NRG1: variants seen among roughly 807,000 people sequenced by gnomAD.
The protein encoded by NRG1 is neuregulin 1.
In NRG1, 18 loss-of-function variants were observed where a neutral mutation model predicts 63.8. The observed-to-expected ratio is 0.28, with a 90% CI of 0.19 to 0.42. The LOEUF (loss-of-function observed/expected upper bound fraction) is 0.42. Among genes scored for constraint, NRG1 ranks in the 10% least tolerant of loss-of-function variants. The probability of loss-of-function intolerance (pLI) is 1.00; values close to 1 mark genes in which losing one functional copy is unlikely to be tolerated. For missense variants in NRG1, 762 were observed against 814.7 expected, an observed-to-expected ratio of 0.94 and a Z score of 0.79; for synonymous variants, 302 against 301.3, an observed-to-expected ratio of 1.00 and a Z score of -0.02.
chr8:32,547,609 ACACACACACACACACACG>A (rs869095388), upstream of NRG1, among the ~76,000 whole-genome samples: 3 of 63,890 alleles, frequency 4.7e-5, no homozygotes, highest in African/African-American at 1.4e-4. Flanking sequence ...ACACACACAC[ACACACACACACACACACG>A]CACACGGCGC....
chr8:32,369,571 C>T (rs1350632451), intron 1 of NRG1, among the ~76,000 whole-genome samples: 2 of 152,208 alleles, frequency 1.3e-5, no homozygotes, highest in Admixed American at 1.3e-4. Flanking sequence ...GGCCCCCAAC[C>T]AGGGACCCTG....
chr8:32,661,514 C>T (rs944370917), intron 5 of NRG1, among the ~76,000 whole-genome samples: 13 of 152,122 alleles, frequency 8.5e-5, no homozygotes, highest in African/African-American at 3.1e-4. Context: ...TTTTACTTTA[C>T]TCATGGGGAA....
chr8:32,651,260 TAAG>T (rs1349482244), intron 5 of NRG1, among the ~76,000 whole-genome samples: 1 of 152,168 alleles, frequency 6.6e-6, no homozygotes, highest in East Asian at 1.9e-4. Flanking sequence ...ATGTAGGTCT[TAAG>T]AAGTCCAATG....
At chr8:32,328,959 A>C (rs1479598260) in intron 1 of NRG1, among the ~76,000 whole-genome samples, 1 of 151,966 alleles carries the variant, frequency 6.6e-6, no homozygotes, top group Non-Finnish European at 1.5e-5. Context: ...AAAACCCTTA[A>C]AATCTACACA....
At position 31,682,624 on chromosome 8, in the gene NRG1, T is replaced by C. The variant is rs115451034; in HGVS notation, c.37+43193T>C. Among the ~76,000 whole-genome samples, 890 of 152,236 alleles carry C rather than the reference T, an allele frequency of 5.8e-3. 11 individuals are homozygous for C. Among genetic ancestry groups the C allele is most frequent in the African/African-American group, 0.021 (860 of 41,536 alleles). On this transcript the variant is annotated intron_variant, in intron 1 of 10. Coordinates refer to the NRG1 transcript ENST00000519301. ...CTATTTCTCCAACTTTCCGTGTGCC[T>C]ATAATTTTTTTTCAAACCAAAATGT...
At chr8:32,396,205 A>G (rs543541640) in intron 1 of NRG1, among the ~76,000 whole-genome samples, 2 of 152,280 alleles carry the variant, frequency 1.3e-5, no homozygotes, top group East Asian at 3.9e-4. Flanking sequence ...TGGCTACTGC[A>G]GGTTCTGTGT....
chr8:31,680,893 C>G (rs545754752), intron 1 of NRG1, among the ~76,000 whole-genome samples: 1 of 152,112 alleles, frequency 6.6e-6, no homozygotes, highest in Non-Finnish European at 1.5e-5. Flanking sequence ...CACAGAACAG[C>G]GAACAGGGAG....
intron 1 of NRG1, among the ~76,000 whole-genome samples, chr8:31,896,952 A>C (rs757181049): frequency 2.0e-5 from 3 of 152,200 alleles, no homozygotes; most frequent in Non-Finnish European, 1.5e-5. Context: ...GGCTAACATG[A>C]TGGGAACTCA....
At chr8:32,362,856 C>T (rs993964805) in intron 1 of NRG1, among the ~76,000 whole-genome samples, 1 of 152,062 alleles carries the variant, frequency 6.6e-6, no homozygotes, top group Non-Finnish European at 1.5e-5. Flanking sequence ...GCAAAAGCAC[C>T]CCACATGTGA....
chr8:31,908,477 G>A (rs1176137078), intron 1 of NRG1, among the ~76,000 whole-genome samples: 1 of 152,054 alleles, frequency 6.6e-6, no homozygotes, highest in Non-Finnish European at 1.5e-5. Flanking sequence ...GGGTATGTGC[G>A]GCAACCTTGT....
intron 1 of NRG1, among the ~76,000 whole-genome samples, chr8:32,577,354 T>C (rs1839852604): frequency 6.6e-6 from 1 of 152,192 alleles, no homozygotes; most frequent in Admixed American, 6.5e-5. Flanking sequence ...TCAAGTGACT[T>C]ATGTATACAG....
chr8:32,107,977 T>TCC (rs1212496786), intron 1 of NRG1, among the ~76,000 whole-genome samples: 1 of 152,312 alleles, frequency 6.6e-6, no homozygotes, highest in East Asian at 1.9e-4. Context: ...AAGCTTCTGA[T>TCC]AGAGATTGAT....
intron 1 of NRG1, among the ~76,000 whole-genome samples, chr8:32,138,118 T>C (rs1835784634): frequency 6.6e-6 from 1 of 152,092 alleles, no homozygotes; most frequent in Admixed American, 6.6e-5. Context: ...TGCCTGTTCC[T>C]TGCATCTCAT....
intron 1 of NRG1, among the ~76,000 whole-genome samples, chr8:31,863,983 C>T (rs1828716118): frequency 6.6e-6 from 1 of 152,154 alleles, no homozygotes; most frequent in Non-Finnish European, 1.5e-5. Flanking sequence ...CAATTTTCAA[C>T]ATATGTTGAG....
intron 1 of NRG1, among the ~76,000 whole-genome samples, chr8:32,427,176 T>G (rs1276450879): frequency 6.6e-6 from 1 of 152,184 alleles, no homozygotes; most frequent in Non-Finnish European, 1.5e-5. Context: ...CTTTAACTCT[T>G]TAAGCCCATA....
At chr8:32,259,244 C>T (rs1364364197) in intron 1 of NRG1, among the ~76,000 whole-genome samples, 1 of 152,158 alleles carries the variant, frequency 6.6e-6, no homozygotes, top group Non-Finnish European at 1.5e-5. Flanking sequence ...ATAAAATTGC[C>T]ATTGTAATGG....
chr8:32,038,173 G>A (rs747962725), intron 1 of NRG1, among the ~76,000 whole-genome samples: 1 of 152,200 alleles, frequency 6.6e-6, no homozygotes, highest in African/African-American at 2.4e-5. Flanking sequence ...CATGGGAAAA[G>A]CGTGCTTTTC....
At chr8:31,970,164 G>T (rs1807041742) in intron 1 of NRG1, among the ~76,000 whole-genome samples, 3 of 152,054 alleles carry the variant, frequency 2.0e-5, no homozygotes, top group Admixed American at 2.0e-4. Context: ...ATGATAATCT[G>T]ATAGTGAAAA....
At chr8:31,644,426 A>C (rs529321924) in intron 1 of NRG1, among the ~76,000 whole-genome samples, 1 of 152,324 alleles carries the variant, frequency 6.6e-6, no homozygotes, top group South Asian at 2.1e-4. Flanking sequence ...AGTGGATTTA[A>C]ATATCTGAGT....
Sources: allele counts gnomAD v4.1 joint callset (sites outside exome capture counted in the v4.1 genomes callset), GRCh38; gene constraint gnomAD v4.1.1; transcripts MANE v1.5; gene names NCBI Gene and HGNC (gene_info 2026-07-23, HGNC 2026-07-21).